MITF: variants seen among roughly 807,000 people sequenced by gnomAD.
MITF encodes microphthalmia-associated transcription factor.
In MITF, 17 loss-of-function variants were observed where a neutral mutation model predicts 60.5. That is an observed-to-expected ratio of 0.28 (90% CI 0.19 to 0.42). The LOEUF (loss-of-function observed/expected upper bound fraction) is 0.42. Ranked by LOEUF, MITF falls within the 10% of genes least tolerant of loss-of-function variation. MITF has a pLI of 1.00. For missense variants in MITF, 622 were observed against 683.5 expected, an observed-to-expected ratio of 0.91 and a Z score of 1.00; for synonymous variants, 260 against 248.5, an observed-to-expected ratio of 1.05 and a Z score of -0.43.
intron 2 of MITF, among the ~76,000 whole-genome samples, chr3:69,919,488 A>T (rs1049251608): frequency 3.3e-5 from 5 of 151,750 alleles, no homozygotes; most frequent in African/African-American, 1.2e-4. Flanking sequence ...TTAGGATTAA[A>T]TTTTTTTTTG....
chr3:69,793,965 C>T (rs558734136), intron 1 of MITF, among the ~76,000 whole-genome samples: 11 of 152,320 alleles, frequency 7.2e-5, no homozygotes, highest in Admixed American at 4.6e-4. Flanking sequence ...ATGCCATTTG[C>T]GTCTGACATC....
intron 1 of MITF, among the ~76,000 whole-genome samples, chr3:69,788,465 T>A (rs555035783): frequency 2.0e-5 from 3 of 152,098 alleles, no homozygotes; most frequent in African/African-American, 7.2e-5. Context: ...ATATACCTAA[T>A]GCTAAGTTTA....
intron 1 of MITF, among the ~76,000 whole-genome samples, chr3:69,821,690 T>TAAA (rs72371556): frequency 0.34 from 38,090 of 111,962 alleles, 6,068 homozygotes; most frequent in Non-Finnish European, 0.43. Context: ...AAAAAAAAAC[T>TAAA]AAAAAAAAAA....
chr3:69,959,330 G>A lies in MITF; in HGVS notation c.1089G>A (p.Lys363=), dbSNP rs2107537288. The A allele has an allele frequency of 6.2e-7, 1 of 1,614,060 alleles. No individual in the cohort carries two copies. ...ILKASVDYIR[K]LQREQQRAKE... ...AAGCATCCGTGGACTATATCCGAAA[G>A]TTGCAACGAGAACAGCAACGCGCAA... The change falls in exon 9 of 10, where the codon AAG becomes AAA. Residue 363 remains lysine (K), a synonymous_variant. Transcript: ENST00000352241.
chr3:69,872,202 C>T (rs2064254587), intron 1 of MITF, among the ~76,000 whole-genome samples: 1 of 152,100 alleles, frequency 6.6e-6, no homozygotes, highest in African/African-American at 2.4e-5. Flanking sequence ...AAATGGAGAT[C>T]AGTCGTGGTC....
chr3:69,919,445 C>G (rs2065412547), intron 2 of MITF, among the ~76,000 whole-genome samples: 1 of 152,120 alleles, frequency 6.6e-6, no homozygotes, highest in African/African-American at 2.4e-5. Flanking sequence ...GATCTAGAAT[C>G]TTTAAAACTG....
intron 2 of MITF, among the ~76,000 whole-genome samples, chr3:69,931,946 C>G (rs1378343224): frequency 6.6e-6 from 1 of 152,202 alleles, no homozygotes; most frequent in African/African-American, 2.4e-5. Context: ...TTTTCTTTAG[C>G]TTTAAAAAGG....
At chr3:69,938,742 A>C (rs1457523137) in intron 3 of MITF, 24 of 1,304,602 alleles carry the variant, frequency 1.8e-5, no homozygotes, top group Non-Finnish European at 2.0e-5. Context: ...ATTATTTCCA[A>C]ATTATGAGAT....
At chr3:69,962,796 G>T (rs1254256755) in intron 9 of MITF, among the ~76,000 whole-genome samples, 1 of 152,092 alleles carries the variant, frequency 6.6e-6, no homozygotes, top group East Asian at 1.9e-4. Context: ...AGTTACAGGG[G>T]GAATCAAGGG....
At position 69,966,232 on chromosome 3, in the gene MITF, G is replaced by GCAT. The variant is rs1393592317; in HGVS notation, c.*986_*988dup. On this transcript the variant is annotated 3_prime_UTR_variant, in exon 10 of 10. Transcript: ENST00000352241. Reference sequence around the variant, plus strand: ...TATTTGTATTAATTTGTAAGAATATGCATCTTAAAATGGCAAGTTTTCCAT... The same window carrying GCAT: ...TATTTGTATTAATTTGTAAGAATATGCATCATCTTAAAATGGCAAGTTTTCCAT... The GCAT allele has an allele frequency of 4.3e-6, 1 of 232,318 alleles. No homozygotes were observed. Among genetic ancestry groups the GCAT allele is most frequent in the East Asian group, 6.1e-5 (1 of 16,336 alleles). 14.4% of individuals were successfully genotyped at this position (232,318 alleles called of 1,614,324 possible). A position where few individuals can be genotyped will look rare whatever the true frequency, so the allele number is the denominator to read the frequency against.
At chr3:69,747,862 G>T (rs1703787085) in intron 1 of MITF, among the ~76,000 whole-genome samples, 1 of 152,096 alleles carries the variant, frequency 6.6e-6, no homozygotes, top group South Asian at 2.1e-4. Flanking sequence ...TAGTTTTTGG[G>T]GCTGGATTTT....
At chr3:69,952,142 T>C (rs531185792) in intron 7 of MITF, among the ~76,000 whole-genome samples, 4 of 150,798 alleles carry the variant, frequency 2.7e-5, no homozygotes, top group Admixed American at 6.6e-5. Context: ...AGTAGTGGTT[T>C]TCTCTCTCTC....
Position 69,793,890 on chromosome 3 carries a change from CTCAA to C in MITF, c.104+54193_104+54196del, listed in dbSNP as rs1219062453. Among the ~76,000 whole-genome samples, 3 of 152,332 alleles carry C rather than the reference CTCAA, an allele frequency of 2.0e-5. No individual in the cohort carries two copies. The South Asian group carries it at 6.2e-4, about 32-fold the overall frequency. Reference sequence around the variant, plus strand: ...TGTCCTCATTTATAAGTTGTGCTATCTCAATCAGACAGTTTGAATATTTTCTGGC... The same window carrying C: ...TGTCCTCATTTATAAGTTGTGCTATCTCAGACAGTTTGAATATTTTCTGGC... On this transcript the variant is annotated intron_variant, in intron 1 of 9. Transcript: ENST00000352241.
chr3:69,907,254 T>A (rs1369952220), intron 2 of MITF, among the ~76,000 whole-genome samples: 1 of 152,208 alleles, frequency 6.6e-6, no homozygotes, highest in Non-Finnish European at 1.5e-5. Context: ...TCCAAAACTT[T>A]CCTGTCTATG....
At chr3:69,946,721 A>T (rs374575157) in intron 5 of MITF, among the ~76,000 whole-genome samples, 1 of 152,160 alleles carries the variant, frequency 6.6e-6, no homozygotes, top group South Asian at 2.1e-4. Flanking sequence ...AGAGGGCTAT[A>T]AGCTTTTTCA....
chr3:69,967,211 G>T lies in MITF; in HGVS notation c.*1963G>T, dbSNP rs1036198971. 2.2e-5 allele frequency: 5 copies of T among 232,166 alleles called. No homozygotes were observed. The highest frequency in any genetic ancestry group is 1.1e-4 in the African/African-American group (5 of 45,232). 14.4% of individuals were successfully genotyped at this position (232,166 alleles called of 1,614,324 possible). A position where few individuals can be genotyped will look rare whatever the true frequency, so the allele number is the denominator to read the frequency against. On this transcript the variant is annotated 3_prime_UTR_variant, in exon 10 of 10. Transcript: ENST00000352241. ...GGCAATGAGAATCCTTGGAAACATT[G>T]GTGATGCTATCAGTTTTATAGCTTT... is the stretch of plus-strand genomic sequence containing the variant.
intron 1 of MITF, among the ~76,000 whole-genome samples, chr3:69,867,536 T>C (rs2064140000): frequency 6.6e-6 from 1 of 152,190 alleles, no homozygotes; most frequent in Non-Finnish European, 1.5e-5. Flanking sequence ...TACTCACCTC[T>C]ATAAAATGTT....
chr3:69,867,794 C>T (rs76437415), intron 1 of MITF, among the ~76,000 whole-genome samples: 5,959 of 152,232 alleles, frequency 0.039, 253 homozygotes, highest in African/African-American at 0.11. Flanking sequence ...AACCTGAATT[C>T]ACAGCCAAAT....
At chr3:69,852,233 C>A (rs1312428952) in intron 1 of MITF, among the ~76,000 whole-genome samples, 1 of 152,142 alleles carries the variant, frequency 6.6e-6, no homozygotes, top group Non-Finnish European at 1.5e-5. Context: ...AAAGTATACA[C>A]ATCTTACATG....
Sources: allele counts gnomAD v4.1 joint callset (sites outside exome capture counted in the v4.1 genomes callset), GRCh38; gene constraint gnomAD v4.1.1; transcripts MANE v1.5; gene names NCBI Gene and HGNC (gene_info 2026-07-23, HGNC 2026-07-21).